Variants in PTPRG observed in about 807,000 individuals in gnomAD.
The protein encoded by PTPRG is protein tyrosine phosphatase receptor type G, also known as receptor-type tyrosine-protein phosphatase gamma.
PTPRG carries 102 observed loss-of-function variants against 165.3 expected under a neutral mutation model. That is an observed-to-expected ratio of 0.62 (90% CI 0.53 to 0.73). The LOEUF (loss-of-function observed/expected upper bound fraction) is 0.73. Among genes scored for constraint, PTPRG ranks in the 30% least tolerant of loss-of-function variants. PTPRG has a pLI of 0.00. For synonymous variants in PTPRG, 675 were observed against 669.5 expected, an observed-to-expected ratio of 1.01 and a Z score of -0.13; for missense variants, 1,866 against 1,861.4, an observed-to-expected ratio of 1.00 and a Z score of -0.05.
At chr3:62,067,260 T>C (rs1456034761) in intron 4 of PTPRG, among the ~76,000 whole-genome samples, 1 of 151,334 alleles carries the variant, frequency 6.6e-6, no homozygotes. Flanking sequence ...TCTTTTCTTT[T>C]TTTTTTTTTT....
At chr3:61,934,947 A>T (rs1459337192) in intron 2 of PTPRG, among the ~76,000 whole-genome samples, 1 of 152,174 alleles carries the variant, frequency 6.6e-6, no homozygotes, top group Admixed American at 6.5e-5. Flanking sequence ...TGAATGAATG[A>T]AATGGAGTTC....
chr3:61,820,066 G>A (rs2035906477), intron 2 of PTPRG, among the ~76,000 whole-genome samples: 1 of 152,176 alleles, frequency 6.6e-6, no homozygotes, highest in Admixed American at 6.5e-5. Flanking sequence ...AACATAGGAT[G>A]TTGAATCACT....
chr3:61,690,352 A>C (rs1032920564), intron 1 of PTPRG, among the ~76,000 whole-genome samples: 1 of 152,182 alleles, frequency 6.6e-6, no homozygotes, highest in African/African-American at 2.4e-5. Flanking sequence ...TGTTTGTTGC[A>C]GGGTGGCTCA....
At chr3:61,870,476 CTTTTTTTTTT>C (rs869118813) in intron 2 of PTPRG, among the ~76,000 whole-genome samples, 9 of 17,964 alleles carry the variant, frequency 5.0e-4, no homozygotes, top group African/African-American at 2.6e-3. Flanking sequence ...CCACACCTAG[CTTTTTTTTTT>C]TTTTTTTTTT....
chr3:61,764,389 G>A lies in PTPRG; in HGVS notation c.190+15407G>A, dbSNP rs141609818. 7.6e-3 allele frequency among the ~76,000 whole-genome samples: 1,154 copies of A among 152,268 alleles called. 12 individuals are homozygous for A. Among genetic ancestry groups the A allele is most frequent in the Non-Finnish European group, 9.4e-3 (641 of 68,030 alleles). On this transcript the variant is annotated intron_variant, in intron 2 of 29. Transcript: ENST00000474889. ...ACAAGCCAGGTGGCAAACTCAGTTC[G>A]AGATTAGGGCTAACTACAACAGAGA...
At chr3:62,126,377 T>C in intron 5 of PTPRG, among the ~76,000 whole-genome samples, 1 of 152,226 alleles carries the variant, frequency 6.6e-6, no homozygotes, top group East Asian at 1.9e-4. Flanking sequence ...CTAGTTTCCA[T>C]TAATATTATG....
At chr3:61,982,532 A>C (rs1160773434) in intron 2 of PTPRG, among the ~76,000 whole-genome samples, 1 of 152,170 alleles carries the variant, frequency 6.6e-6, no homozygotes, top group Non-Finnish European at 1.5e-5. Context: ...GATGGCATGC[A>C]TATTCATGGT....
intron 1 of PTPRG, among the ~76,000 whole-genome samples, chr3:61,660,711 A>G (rs1702633344): frequency 6.6e-6 from 1 of 152,100 alleles, no homozygotes; most frequent in Non-Finnish European, 1.5e-5. Flanking sequence ...TTGGATATTA[A>G]AAAAACCTGA....
intron 2 of PTPRG, among the ~76,000 whole-genome samples, chr3:61,804,893 C>CTT (rs1333151824): frequency 6.6e-6 from 1 of 152,206 alleles, no homozygotes; most frequent in African/African-American, 2.4e-5. Context: ...CTCTTCCCCC[C>CTT]TTTGCAGACA....
At chr3:61,718,646 T>A (rs1224589996) in intron 1 of PTPRG, among the ~76,000 whole-genome samples, 2 of 152,214 alleles carry the variant, frequency 1.3e-5, no homozygotes, top group African/African-American at 4.8e-5. Context: ...CTGTGTGCCA[T>A]CTTCTGTGCT....
intron 2 of PTPRG, among the ~76,000 whole-genome samples, chr3:61,792,707 TC>T (rs1369668676): frequency 3.0e-5 from 4 of 133,114 alleles, no homozygotes; most frequent in African/African-American, 1.3e-4. Context: ...TTTCTTTCTT[TC>T]TTTCTTTCTT....
intron 17 of PTPRG, among the ~76,000 whole-genome samples, chr3:62,265,896 T>TACACACACACACACACACAC (rs143246257): frequency 0.024 from 3,107 of 130,500 alleles, 76 homozygotes; most frequent in South Asian, 0.05. Flanking sequence ...GTGCCTTATA[T>TACACACACACACACACACAC]ACACACACAC....
At chr3:62,109,205 T>C (rs1379367504) in intron 5 of PTPRG, among the ~76,000 whole-genome samples, 1 of 152,202 alleles carries the variant, frequency 6.6e-6, no homozygotes, top group Non-Finnish European at 1.5e-5. Flanking sequence ...TTGATCCATC[T>C]TGAGTTGATT....
intron 5 of PTPRG, among the ~76,000 whole-genome samples, chr3:62,106,892 A>C (rs76182285): frequency 6.6e-6 from 1 of 152,214 alleles, no homozygotes; most frequent in Non-Finnish European, 1.5e-5. Flanking sequence ...CTAAGGAATC[A>C]TATGGTTTCC....
chr3:62,053,688 A>G (rs963948504), intron 4 of PTPRG, among the ~76,000 whole-genome samples: 5 of 152,218 alleles, frequency 3.3e-5, no homozygotes, highest in Non-Finnish European at 7.3e-5. Flanking sequence ...GGGGATAAAG[A>G]GCATGCAGTA....
At chr3:62,008,725 A>T (rs2041352215) in intron 4 of PTPRG, among the ~76,000 whole-genome samples, 1 of 152,194 alleles carries the variant, frequency 6.6e-6, no homozygotes. Flanking sequence ...TCCACCTCAG[A>T]TCATCAGGCA....
At chr3:61,816,231 T>C (rs1388432485) in intron 2 of PTPRG, among the ~76,000 whole-genome samples, 3 of 152,168 alleles carry the variant, frequency 2.0e-5, no homozygotes, top group Non-Finnish European at 2.9e-5. Context: ...GAACAGAATT[T>C]CAAAAACCCA....
At position 62,241,659 on chromosome 3, in the gene PTPRG, G is replaced by GTA. The variant is rs562505643; in HGVS notation, c.2376-2136_2376-2135dup. Among the ~76,000 whole-genome samples, 1,142 of 151,360 alleles carry GTA rather than the reference G, an allele frequency of 7.5e-3. 5 individuals carry two copies. Among genetic ancestry groups the GTA allele is most frequent in the Non-Finnish European group, 0.012 (787 of 67,808 alleles). On this transcript the variant is annotated intron_variant, in intron 14 of 29. Transcript: ENST00000474889. ...TAGGGAAAAAAAAATCTACAATATA[G>GTA]TATATATATATATCCTTTCCAAGTC...
chr3:61,694,166 T>C (rs1445035962), intron 1 of PTPRG, among the ~76,000 whole-genome samples: 2 of 152,220 alleles, frequency 1.3e-5, no homozygotes, highest in East Asian at 1.9e-4. Context: ...CAGGGAAGAA[T>C]GCATGCTAAG....
Sources: allele counts gnomAD v4.1 joint callset (sites outside exome capture counted in the v4.1 genomes callset), GRCh38; gene constraint gnomAD v4.1.1; transcripts MANE v1.5; gene names NCBI Gene and HGNC (gene_info 2026-07-23, HGNC 2026-07-21).